The following ZNF469 variants were observed in gnomAD, a reference collection of about 807,000 sequenced individuals.
ZNF469 encodes zinc finger protein 469.
Under a neutral mutation model 1.0 loss-of-function variants are expected in ZNF469, and 1 was observed. That is an observed-to-expected ratio of 1.00 (90% confidence interval 0.35 to 4.73). ZNF469 has a LOEUF of 4.73. Ranked by LOEUF, ZNF469 falls within the 30% of genes most tolerant of loss-of-function variation. The probability of loss-of-function intolerance (pLI) is 0.16; values close to 1 mark genes in which losing one functional copy is unlikely to be tolerated. For missense variants in ZNF469, 6,100 were observed against 5,356.3 expected (o/e 1.14, Z -4.33); for synonymous variants, 2,703 against 2,363.4 (o/e 1.14, Z -4.17).
chr16:88,136,856 T>G, the ZNF469 span, among the ~76,000 whole-genome samples: 3 of 152,220 alleles, frequency 2.0e-5, no homozygotes, highest in African/African-American at 7.2e-5. Flanking sequence ...GAGTGATGAC[T>G]GTGGAGGGCT....
chr16:88,288,171 G>C, the ZNF469 span, among the ~76,000 whole-genome samples: 2 of 151,992 alleles, frequency 1.3e-5, no homozygotes, highest in African/African-American at 4.8e-5. Flanking sequence ...ATCTTACCGG[G>C]GAGTATCTGT....
chr16:88,268,235 G>A, the ZNF469 span, among the ~76,000 whole-genome samples: 7 of 152,116 alleles, frequency 4.6e-5, no homozygotes, highest in South Asian at 2.1e-4. Context: ...CCCATGCCCC[G>A]TTGTCAGTCT....
At chr16:88,175,448 G>A in the ZNF469 span, among the ~76,000 whole-genome samples, 2 of 152,130 alleles carry the variant, frequency 1.3e-5, no homozygotes, top group African/African-American at 4.8e-5. Flanking sequence ...CCATGAAATA[G>A]ATACCACTAA....
the ZNF469 span, among the ~76,000 whole-genome samples, chr16:88,179,490 G>A: frequency 2.6e-5 from 4 of 152,164 alleles, no homozygotes; most frequent in African/African-American, 9.7e-5. Context: ...GCAGAACTGT[G>A]AGCCAAAGAA....
At chr16:88,401,554 C>G (rs111304697) in intron 1 of ZNF469, among the ~76,000 whole-genome samples, 3,132 of 38,442 alleles carry the variant, frequency 0.081, 18 homozygotes, top group African/African-American at 0.11. Flanking sequence ...TGGATGGATG[C>G]ATGGGTGGAT....
chr16:88,194,286 T>C, the ZNF469 span: 1 of 152,210 alleles, frequency 6.6e-6, no homozygotes, highest in Non-Finnish European at 1.5e-5. Flanking sequence ...CGTGATGTCA[T>C]TTCAGTGTCG....
the ZNF469 span, among the ~76,000 whole-genome samples, chr16:88,158,100 T>C: frequency 2.0e-5 from 3 of 151,892 alleles, no homozygotes; most frequent in Non-Finnish European, 4.4e-5. Flanking sequence ...CCTTATTGCT[T>C]GCCTGAGCCC....
the ZNF469 span, among the ~76,000 whole-genome samples, chr16:88,105,126 C>G: frequency 6.6e-6 from 1 of 151,956 alleles, no homozygotes; most frequent in South Asian, 2.1e-4. Flanking sequence ...GAAGCTGAGG[C>G]GGGAGGAACA....
the ZNF469 span, among the ~76,000 whole-genome samples, chr16:88,161,609 G>A: frequency 7.9e-5 from 12 of 152,130 alleles, no homozygotes; most frequent in Admixed American, 3.3e-4. Flanking sequence ...GAAACTTTTC[G>A]TATGTGAGTG....
chr16:88,185,026 C>T, the ZNF469 span, among the ~76,000 whole-genome samples: 1 of 151,632 alleles, frequency 6.6e-6, no homozygotes, highest in South Asian at 2.1e-4. Context: ...GATACACACT[C>T]ATACAGGCAC....
chr16:88,243,549 A>G, the ZNF469 span, among the ~76,000 whole-genome samples: 2 of 152,138 alleles, frequency 1.3e-5, no homozygotes, highest in African/African-American at 4.8e-5. Flanking sequence ...TTGGGTTCCC[A>G]GGCGAGCAGA....
the ZNF469 span, among the ~76,000 whole-genome samples, chr16:88,201,813 G>T: frequency 6.6e-6 from 1 of 152,256 alleles, no homozygotes; most frequent in Admixed American, 6.5e-5. The surrounding 1 kb of genome is among the most constrained non-coding windows in gnomAD (Gnocchi z 5.0). Flanking sequence ...AGGACCAGAA[G>T]TTCCCTAAGG....
chr16:88,256,949 T>TC, the ZNF469 span, among the ~76,000 whole-genome samples: 2 of 15,758 alleles, frequency 1.3e-4, no homozygotes, highest in Non-Finnish European at 1.8e-4. Flanking sequence ...TTTCTTTCTT[T>TC]CTTTTCTTTT....
chr16:88,137,881 G>C, the ZNF469 span, among the ~76,000 whole-genome samples: 1 of 152,204 alleles, frequency 6.6e-6, no homozygotes, highest in Admixed American at 6.5e-5. Context: ...ACCATGGCTA[G>C]CCCAGGGAGA....
chr16:88,349,722 A>ACT, the ZNF469 span, among the ~76,000 whole-genome samples: 1 of 57,664 alleles, frequency 1.7e-5, no homozygotes, highest in East Asian at 5.7e-4. Flanking sequence ...GTACACATCC[A>ACT]GCACAATACA....
At chr16:88,247,865 A>T in the ZNF469 span, among the ~76,000 whole-genome samples, 11 of 152,270 alleles carry the variant, frequency 7.2e-5, no homozygotes, top group African/African-American at 1.9e-4. Flanking sequence ...GGGTGAACCC[A>T]GCTCCCATGG....
At position 88,439,512 on chromosome 16, in the gene ZNF469, AT is replaced by A; in HGVS notation, c.*182del. ...TTTGAACAGGGCCCAGGTGGGCAGC[AT>A]TCCCTTTCTTGCTGGAAGGCTGGGG... On this transcript the variant is annotated 3_prime_UTR_variant, in exon 3 of 3. Transcript: ENST00000565624. The A allele has an allele frequency of 1.4e-6, 1 of 698,282 alleles. No individual in the cohort carries two copies. Among genetic ancestry groups the A allele is most frequent in the Non-Finnish European group, 2.4e-6 (1 of 419,614 alleles). The allele number at this position is 698,282 out of a possible 1,614,324, so 43.3% of individuals were successfully genotyped here. A position where few individuals can be genotyped will look rare whatever the true frequency, so the allele number is the denominator to read the frequency against.
chr16:88,438,172 G>A lies in ZNF469; in HGVS notation c.10702G>A (p.Asp3568Asn), dbSNP rs753228322. The A allele has an allele frequency of 5.6e-5, 87 of 1,549,764 alleles. No homozygotes were observed. The highest frequency in any genetic ancestry group is 7.5e-5 in the Non-Finnish European group (86 of 1,146,722). Residue 3568 changes from aspartate to asparagine, a missense_variant, in exon 3 of 3, where the codon GAC becomes AAC. Transcript: ENST00000565624. The part of the protein sequence containing the change: ...FPAALADGRG[D>N]CALDGALERP... The stretch of plus-strand genomic sequence containing the variant: ...AGCTGCCTTGGCTGATGGCAGAGGA[G>A]ACTGCGCGCTGGACGGAGCCCTGGA...
At chr16:88,410,302 G>A (rs1905116874) in intron 1 of ZNF469, among the ~76,000 whole-genome samples, 1 of 151,726 alleles carries the variant, frequency 6.6e-6, no homozygotes, top group Non-Finnish European at 1.5e-5. Flanking sequence ...GATAGTGCAG[G>A]TCACACAGTG....
Sources: allele counts gnomAD v4.1 joint callset (sites outside exome capture counted in the v4.1 genomes callset), GRCh38; gene constraint gnomAD v4.1.1; non-coding constraint Gnocchi (gnomAD v3.1); transcripts MANE v1.5; gene names NCBI Gene and HGNC (gene_info 2026-07-23, HGNC 2026-07-21).